The following CYTH1 variants were observed in gnomAD, a reference collection of about 807,000 sequenced individuals.
CYTH1 encodes the protein cytohesin-1.
In CYTH1, 18 loss-of-function variants were observed where a neutral mutation model predicts 61.8. The observed-to-expected ratio is 0.29, with a 90% confidence interval of 0.20 to 0.43. CYTH1 has a LOEUF of 0.43. Among genes scored for constraint, CYTH1 ranks in the 20% least tolerant of loss-of-function variants. CYTH1 has a pLI of 1.00. For missense variants in CYTH1, 336 were observed against 510.5 expected, an observed-to-expected ratio of 0.66 and a Z score of 3.29; for synonymous variants, 174 against 184.3, an observed-to-expected ratio of 0.94 and a Z score of 0.45.
At position 78,717,761 on chromosome 17, in the gene CYTH1, T is replaced by C. The variant is rs1287724214; in HGVS notation, c.23-8029A>G. On this transcript the variant is annotated intron_variant, in intron 1 of 13. Coordinates refer to ENST00000446868, the MANE Select transcript of CYTH1 (RefSeq NM_004762.6). This position sits in a 1 kb window ranked among gnomAD's most constrained non-coding sequence, Gnocchi z 4.4. ...CAGCAGGTTCTGCTTGGCAGACACA[T>C]AGCAGCTGCCAGGACCACACTGTCC... Among the ~76,000 whole-genome samples the C allele has an allele frequency of 6.6e-6, 1 of 152,086 alleles. No homozygotes were observed. Among genetic ancestry groups the C allele is most frequent in the African/African-American group, 2.4e-5 (1 of 41,412 alleles).
At chr17:78,739,491 T>C (rs954505802) in intron 1 of CYTH1, among the ~76,000 whole-genome samples, 1 of 152,330 alleles carries the variant, frequency 6.6e-6, no homozygotes, top group South Asian at 2.1e-4. Context: ...AGGAGGCTAC[T>C]GTGGCTGGAG....
At chr17:78,725,669 G>A (rs756192334) in intron 1 of CYTH1, among the ~76,000 whole-genome samples, 9 of 152,126 alleles carry the variant, frequency 5.9e-5, no homozygotes, top group African/African-American at 1.7e-4. Flanking sequence ...CCACTACGCC[G>A]ACAGAGTGGA....
rs949203221 is a variant in CYTH1, at chr17:78,739,248, T to C, written c.23-29516A>G. The stretch of plus-strand genomic sequence containing the variant: ...AAAAGTTTTTACAAAGATAGTTGTA[T>C]CTTTTGTCTTATCTGTTTCGTTCAA... On this transcript the variant is annotated intron_variant, in intron 1 of 13. Coordinates refer to ENST00000446868, the MANE Select transcript of CYTH1 (RefSeq NM_004762.6). Among the ~76,000 whole-genome samples, 8 of 152,258 alleles carry C rather than the reference T, an allele frequency of 5.3e-5. No homozygotes were observed. The South Asian group carries it at 1.4e-3, about 28-fold the overall frequency.
chr17:78,685,372 T>C (rs1416153195), intron 11 of CYTH1, among the ~76,000 whole-genome samples: 1 of 152,158 alleles, frequency 6.6e-6, no homozygotes, highest in Non-Finnish European at 1.5e-5. Flanking sequence ...TTTTACATTG[T>C]CCAGGTTTAT....
At chr17:78,681,212 G>A (rs990586780) in intron 11 of CYTH1, 170 bp from the exon 12 acceptor site, 12 of 642,464 alleles carry the variant, frequency 1.9e-5, no homozygotes, top group Non-Finnish European at 3.0e-5. Context: ...CACCAAAAAT[G>A]TCTGAGGATT....
At chr17:78,754,343 T>C (rs75687412) in intron 1 of CYTH1, among the ~76,000 whole-genome samples, 3,672 of 152,144 alleles carry the variant, frequency 0.024, 154 homozygotes, top group African/African-American at 0.082. Context: ...TGGGGTTTTT[T>C]GTTTTCTTTT....
At chr17:78,679,964 G>A (rs2092740747) in intron 13 of CYTH1, among the ~76,000 whole-genome samples, 1 of 152,176 alleles carries the variant, frequency 6.6e-6, no homozygotes, top group African/African-American at 2.4e-5. Flanking sequence ...GGTCTATGAG[G>A]ACACGTGGGG....
chr17:78,690,565 G>A (rs758883389), intron 11 of CYTH1, among the ~76,000 whole-genome samples: 23 of 151,448 alleles, frequency 1.5e-4, no homozygotes, highest in East Asian at 7.9e-4. Context: ...ATGTGGTGGC[G>A]CACGCCTCTA....
At chr17:78,687,442 C>G (rs1175899663) in intron 11 of CYTH1, among the ~76,000 whole-genome samples, 1 of 152,154 alleles carries the variant, frequency 6.6e-6, no homozygotes, top group Non-Finnish European at 1.5e-5. Flanking sequence ...ACTTTTAAGG[C>G]CACTGTCATT....
chr17:78,727,999 T>C (rs1598888260), intron 1 of CYTH1: 1 of 238,104 alleles, frequency 4.2e-6, no homozygotes, highest in Middle Eastern at 1.7e-3. Context: ...CCTGATATCA[T>C]GCAGGTGTCC....
At chr17:78,753,790 T>C (rs2093390046) in intron 1 of CYTH1, among the ~76,000 whole-genome samples, 1 of 152,240 alleles carries the variant, frequency 6.6e-6, no homozygotes, top group African/African-American at 2.4e-5. Flanking sequence ...CATCAATCAC[T>C]GATTCTTTAG....
chr17:78,707,756 C>G (rs2093083610), intron 3 of CYTH1, among the ~76,000 whole-genome samples: 1 of 151,640 alleles, frequency 6.6e-6, no homozygotes, highest in Non-Finnish European at 1.5e-5. Flanking sequence ...TCTCAGCTCA[C>G]TGCAACCTCC....
chr17:78,738,312 C>T (rs903657293), intron 1 of CYTH1, among the ~76,000 whole-genome samples: 1 of 152,232 alleles, frequency 6.6e-6, no homozygotes, highest in African/African-American at 2.4e-5. Flanking sequence ...CACCCAGAGA[C>T]GTTGCATGGC....
chr17:78,760,355 TTATATATA>T lies in CYTH1; in HGVS notation c.22+21839_22+21846del, dbSNP rs370393556. On this transcript the variant is annotated intron_variant, in intron 1 of 13. Coordinates refer to ENST00000446868, the MANE Select transcript of CYTH1 (RefSeq NM_004762.6). ...TCTGGCCTCTATCCAAATAGCAGGT[TTATATATA>T]TATATATATATATATATATATACAC... Among the ~76,000 whole-genome samples the T allele has an allele frequency of 2.1e-4, 11 of 52,266 alleles. 1 individual carries two copies. The highest frequency in any genetic ancestry group is 3.0e-4 in the Non-Finnish European group (8 of 26,490). 34.3% of individuals were successfully genotyped at this position (52,266 alleles called of 152,430 possible). A position where few individuals can be genotyped will look rare whatever the true frequency, so the allele number is the denominator to read the frequency against.
chr17:78,773,501 G>T (rs1469804512), intron 1 of CYTH1, among the ~76,000 whole-genome samples: 1 of 150,442 alleles, frequency 6.6e-6, no homozygotes, highest in African/African-American at 2.5e-5. Context: ...ATGGTGGCGT[G>T]CGCCTGTAAT....
intron 1 of CYTH1, among the ~76,000 whole-genome samples, chr17:78,780,883 T>C (rs1463993596): frequency 6.6e-6 from 1 of 152,050 alleles, no homozygotes; most frequent in Non-Finnish European, 1.5e-5. Flanking sequence ...GGCACGCGCC[T>C]GTAGTCCCAG....
chr17:78,709,234 C>T (rs571509472), intron 2 of CYTH1: 52 of 171,320 alleles, frequency 3.0e-4, no homozygotes, highest in East Asian at 1.3e-3. Context: ...TTCAAGGAAC[C>T]GGAACTCTCT....
At chr17:78,741,961 T>C (rs1285412067) in intron 1 of CYTH1, among the ~76,000 whole-genome samples, 1 of 152,234 alleles carries the variant, frequency 6.6e-6, no homozygotes, top group African/African-American at 2.4e-5. Flanking sequence ...GGGGGAAGGC[T>C]AGAAAGAACC....
rs1349877586 is a variant in CYTH1 at position 78,701,668 on chromosome 17, C to G, written c.437+3G>C. 2 of 1,614,034 alleles carry G rather than the reference C, an allele frequency of 1.2e-6. No homozygotes were observed. On this transcript the variant is annotated splice_donor_region_variant and intron_variant, in intron 6 of 13. Coordinates refer to ENST00000446868, the MANE Select transcript of CYTH1 (RefSeq NM_004762.6). ...CAAAGGGGCTCACCTCAAGAATACT[C>G]ACCGTAGTGCCTGGACGAGATTAAG...
Sources: allele counts gnomAD v4.1 joint callset (sites outside exome capture counted in the v4.1 genomes callset), GRCh38; gene constraint gnomAD v4.1.1; non-coding constraint Gnocchi (gnomAD v3.1); transcripts MANE v1.5; gene names NCBI Gene and HGNC (gene_info 2026-07-23, HGNC 2026-07-21).